CIT: variants seen among roughly 807,000 people sequenced by gnomAD.
CIT encodes citron Rho-interacting kinase.
Under a neutral mutation model 272.7 loss-of-function variants are expected in CIT, and 79 were observed. That is an observed-to-expected ratio of 0.29 (90% CI 0.24 to 0.35). The LOEUF (loss-of-function observed/expected upper bound fraction) is 0.35, where lower values mean the gene tolerates loss of function less well. CIT is among the 10% of genes least tolerant of loss of function. The pLI is 1.00. For missense variants in CIT, 1,909 were observed against 2,618.3 expected (o/e 0.73, Z 5.91); for synonymous variants, 948 against 995.6 (o/e 0.95, Z 0.90).
chr12:119,813,114 C>T (rs1966871495), intron 9 of CIT, among the ~76,000 whole-genome samples: 1 of 152,168 alleles, frequency 6.6e-6, no homozygotes, highest in Non-Finnish European at 1.5e-5. Flanking sequence ...GCAAATTTAC[C>T]AGAGCCCTGC....
chr12:119,698,899 C>G (rs1956387448), intron 44 of CIT, among the ~76,000 whole-genome samples: 1 of 152,232 alleles, frequency 6.6e-6, no homozygotes, highest in African/African-American at 2.4e-5. Context: ...CTGGGTGAGA[C>G]TTTTCATTGT....
At chr12:119,701,293 G>A (rs1432397220) in intron 43 of CIT, among the ~76,000 whole-genome samples, 1 of 148,918 alleles carries the variant, frequency 6.7e-6, no homozygotes, top group Non-Finnish European at 1.5e-5. Flanking sequence ...CAAAGAAAAG[G>A]ACAGATAGAA....
intron 28 of CIT, among the ~76,000 whole-genome samples, chr12:119,726,993 A>C (rs1309348853): frequency 2.6e-5 from 4 of 152,210 alleles, no homozygotes; most frequent in Non-Finnish European, 5.9e-5. Flanking sequence ...TGGTACTCAG[A>C]ATAATCTGAT....
intron 46 of CIT, among the ~76,000 whole-genome samples, chr12:119,691,157 G>A (rs1955924823): frequency 8.0e-6 from 1 of 124,416 alleles, no homozygotes; most frequent in South Asian, 2.8e-4. Flanking sequence ...AAGTGACAGA[G>A]CAAGACTCCG....
rs186069530 is a variant in CIT, at chr12:119,836,539, C to T, written c.517-2311G>A. Among the ~76,000 whole-genome samples, 4 of 151,782 alleles carry T rather than the reference C, an allele frequency of 2.6e-5. No individual in the cohort carries two copies. In the East Asian group the frequency reaches 7.7e-4, roughly 29 times the overall value. ...GTCTGTTTTAAATATATATTGACAT[C>T]GAAAAGGTCTTAAATATCCAAAAAA... On this transcript the variant is annotated intron_variant, in intron 5 of 47. Coordinates refer to ENST00000392521, the MANE Select transcript of CIT (RefSeq NM_001206999.2).
At chr12:119,702,687 C>CA (rs1014575478) in intron 41 of CIT, among the ~76,000 whole-genome samples, 292 of 122,194 alleles carry the variant, frequency 2.4e-3, no homozygotes, top group African/African-American at 6.3e-3. Flanking sequence ...AACTCTGTCT[C>CA]AAAAAAAAAA....
chr12:119,807,010 A>C (rs1966651153), intron 9 of CIT, among the ~76,000 whole-genome samples: 1 of 152,206 alleles, frequency 6.6e-6, no homozygotes, highest in African/African-American at 2.4e-5. Flanking sequence ...TGAGGGAATC[A>C]CATAGAACCT....
intron 4 of CIT, among the ~76,000 whole-genome samples, chr12:119,851,189 GA>G (rs1970201205): frequency 6.6e-6 from 1 of 152,168 alleles, no homozygotes. Context: ...AAAATGCTGA[GA>G]TTAAAGGCAT....
In CIT at chr12:119,697,630, G is replaced by T; in HGVS notation, c.5882+29C>A. ...CCTTGCAGAAAAGCACGTTGCCCCT[G>T]GTACTGAGGAAGAGGAGAAGCTGGT... On this transcript the variant is annotated intron_variant, in intron 46 of 47. Coordinates refer to ENST00000392521, the MANE Select transcript of CIT (RefSeq NM_001206999.2). This position sits in a 1 kb window ranked among gnomAD's most constrained non-coding sequence, Gnocchi z 4.9. The T allele has an allele frequency of 6.2e-7, 1 of 1,607,970 alleles. No individual in the cohort carries two copies.
chr12:119,825,131 A>G, intron 8 of CIT, 34 bp downstream of exon 8: 1 of 1,579,928 alleles, frequency 6.3e-7, no homozygotes, highest in Non-Finnish European at 8.7e-7. Context: ...AACGTTTCTC[A>G]ATGTGACTTC....
chr12:119,775,204 C>T (rs940494350), intron 16 of CIT, among the ~76,000 whole-genome samples: 11 of 151,880 alleles, frequency 7.2e-5, no homozygotes, highest in African/African-American at 2.7e-4. Flanking sequence ...ACCCAGGAGG[C>T]GGAGGTTGCA....
At chr12:119,848,464 C>T (rs1969975021) in intron 5 of CIT, among the ~76,000 whole-genome samples, 1 of 152,110 alleles carries the variant, frequency 6.6e-6, no homozygotes, top group South Asian at 2.1e-4. Context: ...AAAATTGTTT[C>T]CAGGATACAC....
At chr12:119,746,882 T>C (rs954587058) in intron 23 of CIT, among the ~76,000 whole-genome samples, 1 of 152,256 alleles carries the variant, frequency 6.6e-6, no homozygotes, top group Non-Finnish European at 1.5e-5. Flanking sequence ...GTAAGTCATA[T>C]GCTTTATGTT....
At position 119,712,845 on chromosome 12, in the gene CIT, TGCAGAGAAG is replaced by T; in HGVS notation, c.4580-159_4580-151del. The T allele has an allele frequency of 1.6e-6, 1 of 635,668 alleles. No individual in the cohort carries two copies. Among genetic ancestry groups the T allele is most frequent in the Admixed American group, 3.0e-5 (1 of 33,658 alleles). 39.4% of individuals were successfully genotyped at this position (635,668 alleles called of 1,614,324 possible). ...CGAGAACAAGGAAGGGACAGAGGTG[TGCAGAGAAG>T]GCAGAGAGGGAAGATAAAAAAAAAT... is the stretch of plus-strand genomic sequence containing the variant. On this transcript the variant is annotated intron_variant, in intron 35 of 47. Transcript: ENST00000392521. The surrounding 1 kb of genome is among the most constrained non-coding windows in gnomAD (Gnocchi z 5.2).
chr12:119,794,296 GAATA>G (rs888610854), intron 10 of CIT, among the ~76,000 whole-genome samples: 5 of 152,122 alleles, frequency 3.3e-5, no homozygotes, highest in East Asian at 1.9e-4. Context: ...ATGAATGAAT[GAATA>G]AATAAGTGAA....
chr12:119,708,512 G>T (rs1484407061), intron 39 of CIT, among the ~76,000 whole-genome samples, 194 bp from the exon 40 acceptor site: 3 of 151,832 alleles, frequency 2.0e-5, no homozygotes, highest in Non-Finnish European at 4.4e-5. Context: ...TTGAGACAGA[G>T]TCTTGCTCTG....
In CIT at chr12:119,690,477, G is replaced by A. The variant is rs1433161635; in HGVS notation, c.5883-23C>T. 1 of 1,552,770 alleles carries A rather than the reference G, an allele frequency of 6.4e-7. No homozygotes were observed. Among genetic ancestry groups the A allele is most frequent in the Non-Finnish European group, 8.6e-7 (1 of 1,160,696 alleles). On this transcript the variant is annotated intron_variant, in intron 46 of 47. Transcript: ENST00000392521. The surrounding 1 kb of genome is among the most constrained non-coding windows in gnomAD (Gnocchi z 6.0). ...CTGCTGGCGACACAAGAGGAACGTA[G>A]GGAGCTGCGAGGCCACAACCCCAGA...
At chr12:119,791,054 G>T (rs926050628) in intron 10 of CIT, among the ~76,000 whole-genome samples, 1 of 152,128 alleles carries the variant, frequency 6.6e-6, no homozygotes, top group African/African-American at 2.4e-5. Flanking sequence ...ATTAAGGAGG[G>T]GCTTGCCCTA....
chr12:119,712,361 G>C lies in CIT; in HGVS notation c.4685-14C>G. On this transcript the variant is annotated splice_polypyrimidine_tract_variant and intron_variant, in intron 36 of 47. Coordinates refer to ENST00000392521, the MANE Select transcript of CIT (RefSeq NM_001206999.2). The surrounding 1 kb of genome is among the most constrained non-coding windows in gnomAD (Gnocchi z 5.2). ...TGTATGGGACATCTAGGAGATTTCA[G>C]AGAGCACAGGATTGGGTGTGGATTT... The C allele has an allele frequency of 1.2e-6, 2 of 1,602,440 alleles. No homozygotes were observed. The highest frequency in any genetic ancestry group is 1.7e-6 in the Non-Finnish European group (2 of 1,173,232).
Sources: gnomAD v4.1 joint callset for allele counts (sites outside exome capture counted in the v4.1 genomes callset) on GRCh38, gnomAD v4.1.1 for gene constraint, Gnocchi (gnomAD v3.1) non-coding constraint, MANE v1.5 for transcripts, NCBI Gene and HGNC (gene_info 2026-07-23, HGNC 2026-07-21) for gene names.